USP54: variants seen among roughly 807,000 people sequenced by gnomAD.
The protein encoded by USP54 is ubiquitin carboxyl-terminal hydrolase 54.
A neutral mutation model predicts 170.5 loss-of-function variants in USP54; 87 were observed. That is an observed-to-expected ratio of 0.51 (90% CI 0.43 to 0.61). The LOEUF (loss-of-function observed/expected upper bound fraction) is 0.61. Ranked by LOEUF, USP54 falls within the 20% of genes least tolerant of loss-of-function variation. The pLI is 0.00. For synonymous variants in USP54, 655 were observed against 742.8 expected (o/e 0.88, Z 1.92); for missense variants, 1,786 against 2,047.8 (o/e 0.87, Z 2.47).
At chr10:73,583,289 G>A (rs930982093) in intron 1 of USP54, among the ~76,000 whole-genome samples, 1 of 152,004 alleles carries the variant, frequency 6.6e-6, no homozygotes, top group East Asian at 1.9e-4. Flanking sequence ...ACAAAACAAA[G>A]AAAATTTTTT....
rs371481546 is a variant in USP54, at chr10:73,504,868, C to T, written c.4293G>A (p.Pro1431=). ...TACTTACAAAACTGTGGGAAGAAAC[C>T]GGAGCTTCCTCCCTCTCTGAGACAA... ...GTVVSEREEA[P]VSSHSFDSSN... The change falls in exon 22 of 24, where the codon CCG becomes CCA. Residue 1431 remains proline, a synonymous_variant. Coordinates refer to ENST00000687698, the MANE Select transcript of USP54 (RefSeq NM_001391956.1). 2.9e-5 allele frequency: 47 copies of T among 1,614,086 alleles called. No individual in the cohort carries two copies. Among genetic ancestry groups the T allele is most frequent in the Admixed American group, 5.0e-5 (3 of 60,000 alleles).
chr10:73,524,504 C>A (rs148725399), intron 16 of USP54, among the ~76,000 whole-genome samples: 23 of 151,888 alleles, frequency 1.5e-4, no homozygotes, highest in African/African-American at 5.3e-4. Context: ...CACTTTAACC[C>A]GGGAGGTGGA....
At position 73,604,446 on chromosome 10, in the gene USP54, C is replaced by G. The variant is rs1479270218; in HGVS notation, c.-18+21121G>C. Among the ~76,000 whole-genome samples, 7 of 151,980 alleles carry G rather than the reference C, an allele frequency of 4.6e-5. No individual in the cohort carries two copies. The East Asian group carries it at 1.4e-3, about 30-fold the overall frequency. ...ACTTTTGGTTACATATCCAAAAGAA[C>G]TGAAAGTATGCTCTCAAAGAGATAA... is the stretch of plus-strand genomic sequence containing the variant. On this transcript the variant is annotated intron_variant, in intron 1 of 22. Transcript: ENST00000339859.
chr10:73,586,257 A>G (rs917686786), intron 1 of USP54, among the ~76,000 whole-genome samples: 1 of 152,112 alleles, frequency 6.6e-6, no homozygotes, highest in African/African-American at 2.4e-5. Context: ...TGACTCTAAT[A>G]TTGCCTCTCT....
chr10:73,615,631 A>T lies in USP54; in HGVS notation c.-18+9936T>A, dbSNP rs115415993. On this transcript the variant is annotated intron_variant, in intron 1 of 22. Transcript: ENST00000339859. ...CCACAAAAAAATAAAATATTTTTTT[A>T]AAAATAAAGCTGGGCATAGTGGCTC... is the stretch of plus-strand genomic sequence containing the variant. Among the ~76,000 whole-genome samples the T allele has an allele frequency of 2.6e-3, 398 of 150,496 alleles. 45 individuals are homozygous for T. The highest frequency in any genetic ancestry group is 9.3e-3 in the African/African-American group (372 of 39,864).
At chr10:73,526,850 C>A in intron 15 of USP54, 70 bp from the exon 16 acceptor site, 1 of 1,512,626 alleles carries the variant, frequency 6.6e-7, no homozygotes, top group Non-Finnish European at 8.9e-7. Flanking sequence ...AGGACTAAAT[C>A]TCTCTCTCAA....
chr10:73,534,502 G>A, intron 12 of USP54, 98 bp downstream of exon 12: 1 of 1,416,496 alleles, frequency 7.1e-7, no homozygotes, highest in African/African-American at 1.4e-5. Flanking sequence ...TGGGATTACA[G>A]GTGTGAGCCA....
intron 21 of USP54, 116 bp from the exon 22 acceptor site, chr10:73,505,106 C>T: frequency 6.3e-6 from 9 of 1,429,046 alleles, no homozygotes; most frequent in Non-Finnish European, 8.7e-6. Context: ...GTAATAGACA[C>T]CTGAATTAGA....
chr10:73,589,902 T>TA (rs1359534819), intron 1 of USP54, among the ~76,000 whole-genome samples: 1 of 152,152 alleles, frequency 6.6e-6, no homozygotes, highest in Non-Finnish European at 1.5e-5. Flanking sequence ...GCCTTTACAA[T>TA]ACTCAAATGA....
intron 15 of USP54, 47 bp downstream of exon 15, chr10:73,529,633 C>T: frequency 1.2e-6 from 2 of 1,606,652 alleles, no homozygotes; most frequent in Non-Finnish European, 1.7e-6. Context: ...GTAGGTGGCT[C>T]ACATTGCTGC....
In USP54 at chr10:73,530,580, AC is replaced by A. The variant is rs2063765874; in HGVS notation, c.1448-58del. The stretch of plus-strand genomic sequence containing the variant: ...TGTTTAAAGTGATCATGGATACTAG[AC>A]CCCAATGTCGAAAAAGCAAAGAAAA... On this transcript the variant is annotated intron_variant, in intron 13 of 23. Coordinates refer to ENST00000687698, the MANE Select transcript of USP54 (RefSeq NM_001391956.1). 4 of 1,565,184 alleles carry A rather than the reference AC, an allele frequency of 2.6e-6. No individual in the cohort carries two copies. The Admixed American group carries it at 8.0e-5, about 31-fold the overall frequency.
chr10:73,606,950 G>C (rs901362444), intron 1 of USP54, among the ~76,000 whole-genome samples: 1 of 150,598 alleles, frequency 6.6e-6, no homozygotes, highest in Non-Finnish European at 1.5e-5. Context: ...TAACTGAACA[G>C]TTTCATACAA....
In USP54 at chr10:73,536,406, T is replaced by C; in HGVS notation, c.1007A>G (p.Lys336Arg). Residue 336 changes from lysine (K) to arginine (R), a missense_variant, in exon 11 of 24, where the codon AAA becomes AGA. Physicochemically the swap from Lys to Arg is conservative, Grantham distance 26 (BLOSUM62 2). Transcript: ENST00000687698. ...IGPKWKDVVT[K>R]CIKGHYQPLL... ...GGGCTGATAATGCCCCTTGATGCAT[T>C]TGGTCACCACATCCTTCCATTTGGG... 6.3e-7 allele frequency: 1 copy of C among 1,580,692 alleles called. No individual in the cohort carries two copies. Among genetic ancestry groups the C allele is most frequent in the South Asian group, 1.2e-5 (1 of 85,040 alleles).
chr10:73,524,034 A>G (rs1036026037), intron 16 of USP54, among the ~76,000 whole-genome samples: 1 of 150,640 alleles, frequency 6.6e-6, no homozygotes, highest in African/African-American at 2.4e-5. Context: ...CAGCTTCCTG[A>G]GTAGCTGGGA....
chr10:73,572,962 G>A (rs150016751), intron 3 of USP54, among the ~76,000 whole-genome samples: 63 of 152,174 alleles, frequency 4.1e-4, no homozygotes, highest in African/African-American at 1.5e-3. Flanking sequence ...AATCACAAAA[G>A]TATTATCAGG....
intron 19 of USP54, 114 bp from the exon 20 acceptor site, chr10:73,517,861 A>G (rs1017445544): frequency 1.5e-6 from 2 of 1,329,158 alleles, no homozygotes; most frequent in Non-Finnish European, 2.0e-6. Context: ...AATGGTAAAA[A>G]TAAACAGAAA....
intron 17 of USP54, among the ~76,000 whole-genome samples, chr10:73,522,280 G>A (rs889589977): frequency 6.6e-6 from 1 of 152,240 alleles, no homozygotes; most frequent in South Asian, 2.1e-4. Context: ...TCAACTAAAT[G>A]TATACAACCT....
At chr10:73,522,764 A>T (rs1004243289) in intron 17 of USP54, among the ~76,000 whole-genome samples, 1 of 152,236 alleles carries the variant, frequency 6.6e-6, no homozygotes, top group Admixed American at 6.5e-5. Context: ...AGCTGCCCCC[A>T]AACAGGATTA....
intron 4 of USP54, among the ~76,000 whole-genome samples, chr10:73,556,823 C>T (rs546951032): frequency 1.3e-5 from 2 of 152,066 alleles, no homozygotes; most frequent in African/African-American, 2.4e-5. Context: ...ACAGTCTAAC[C>T]GCTCTCCACA....
Sources: gnomAD v4.1 joint callset for allele counts (sites outside exome capture counted in the v4.1 genomes callset) on GRCh38, gnomAD v4.1.1 for gene constraint, MANE v1.5 for transcripts, NCBI Gene and HGNC (gene_info 2026-07-23, HGNC 2026-07-21) for gene names.